The following PEX14 variants were observed in gnomAD, a reference collection of about 807,000 sequenced individuals.
The protein encoded by PEX14 is peroxisomal biogenesis factor 14, also known as peroxisomal membrane protein PEX14.
PEX14 carries 15 observed loss-of-function variants against 49.5 expected under a neutral mutation model. The observed-to-expected ratio is 0.30, with a 90% CI of 0.20 to 0.47. The LOEUF (loss-of-function observed/expected upper bound fraction) is 0.47, where lower values mean the gene tolerates loss of function less well. PEX14 is among the 20% of genes least tolerant of loss of function. PEX14 has a pLI of 1.00. For missense variants in PEX14, 398 were observed against 494.8 expected, an observed-to-expected ratio of 0.80 and a Z score of 1.86; for synonymous variants, 210 against 212.7, an observed-to-expected ratio of 0.99 and a Z score of 0.11.
At chr1:10,566,666 T>G (rs1401022123) in intron 3 of PEX14, among the ~76,000 whole-genome samples, 1 of 152,066 alleles carries the variant, frequency 6.6e-6, no homozygotes, top group Non-Finnish European at 1.5e-5. Context: ...TTTTTTTGTT[T>G]GTTTGTTTGT....
At chr1:10,507,279 G>A (rs767455599) in intron 2 of PEX14, among the ~76,000 whole-genome samples, 5 of 152,264 alleles carry the variant, frequency 3.3e-5, no homozygotes, top group African/African-American at 7.2e-5. Flanking sequence ...GTATGGGTGC[G>A]GTGTGGACCG....
chr1:10,610,041 T>C (rs1641234033), intron 4 of PEX14, among the ~76,000 whole-genome samples: 1 of 148,564 alleles, frequency 6.7e-6, no homozygotes, highest in African/African-American at 2.4e-5. Flanking sequence ...TAAATACATA[T>C]TTATATAAAT....
At chr1:10,501,981 A>T (rs1370374890) in intron 2 of PEX14, among the ~76,000 whole-genome samples, 1 of 152,020 alleles carries the variant, frequency 6.6e-6, no homozygotes, top group Non-Finnish European at 1.5e-5. Flanking sequence ...TACTAGCAAC[A>T]TATTCATCAG....
chr1:10,585,258 T>G (rs940332492), intron 3 of PEX14, among the ~76,000 whole-genome samples: 1 of 152,120 alleles, frequency 6.6e-6, no homozygotes, highest in African/African-American at 2.4e-5. Flanking sequence ...AAAGAAAAGA[T>G]AGTAACTTTG....
intron 4 of PEX14, among the ~76,000 whole-genome samples, 186 bp from the exon 5 acceptor site, chr1:10,618,146 G>T (rs1193544590): frequency 6.6e-6 from 1 of 152,232 alleles, no homozygotes; most frequent in African/African-American, 2.4e-5. Context: ...AGTTGAGGCA[G>T]TGGGAACAGG....
rs1640869057 is a variant in PEX14 at position 10,597,731 on chromosome 1, A to G, written c.170-1507A>G. 6.6e-6 allele frequency among the ~76,000 whole-genome samples: 1 copy of G among 152,186 alleles called. No homozygotes were observed. Among genetic ancestry groups the G allele is most frequent in the Non-Finnish European group, 1.5e-5 (1 of 68,036 alleles). ...GCTGTGCCTGCCCTTGGCCAGCTCC[A>G]CTGTGTGAAGAGGGTAAAGAGGGGA... On this transcript the variant is annotated intron_variant, in intron 3 of 8. Coordinates refer to ENST00000356607, the MANE Select transcript of PEX14 (RefSeq NM_004565.3). This position sits in a 1 kb window ranked among gnomAD's most constrained non-coding sequence, Gnocchi z 5.7.
chr1:10,536,155 T>C, intron 2 of PEX14, 58 bp from the exon 3 acceptor site: 1 of 1,056,058 alleles, frequency 9.5e-7, no homozygotes, highest in Non-Finnish European at 1.5e-6. Flanking sequence ...GGATTTTTAA[T>C]CTTGAAATTC....
chr1:10,575,906 C>G (rs1426575573), intron 3 of PEX14, among the ~76,000 whole-genome samples: 2 of 152,112 alleles, frequency 1.3e-5, no homozygotes, highest in Non-Finnish European at 2.9e-5. Context: ...GAGTACCTGT[C>G]TCAATATGCT....
intron 4 of PEX14, among the ~76,000 whole-genome samples, chr1:10,615,039 C>T (rs973077663): frequency 1.3e-5 from 2 of 152,160 alleles, no homozygotes; most frequent in African/African-American, 2.4e-5. Flanking sequence ...TGATTTGTGT[C>T]GGGTGGGGGT....
intron 2 of PEX14, chr1:10,535,934 T>C: frequency 2.3e-6 from 1 of 425,846 alleles, no homozygotes; most frequent in Non-Finnish European, 4.4e-6. Context: ...AAGAATCAGC[T>C]CGAATGGAGA....
chr1:10,523,551 A>G (rs1638367876), intron 2 of PEX14, among the ~76,000 whole-genome samples: 1 of 151,748 alleles, frequency 6.6e-6, no homozygotes, highest in Non-Finnish European at 1.5e-5. Flanking sequence ...TTAACCCCTT[A>G]TTTTATAGCA....
chr1:10,568,137 T>C (rs1014968056), intron 3 of PEX14, among the ~76,000 whole-genome samples: 6 of 152,222 alleles, frequency 3.9e-5, no homozygotes, highest in African/African-American at 1.4e-4. Context: ...TTTCCGTTGC[T>C]TATATCTATT....
chr1:10,508,886 G>A (rs1641835540), intron 2 of PEX14, among the ~76,000 whole-genome samples: 1 of 152,046 alleles, frequency 6.6e-6, no homozygotes, highest in Non-Finnish European at 1.5e-5. Flanking sequence ...AAGGGTGGGA[G>A]TTTCCATCCA....
chr1:10,598,165 G>A (rs987291735), intron 3 of PEX14, among the ~76,000 whole-genome samples: 1 of 152,178 alleles, frequency 6.6e-6, no homozygotes, highest in African/African-American at 2.4e-5. Context: ...TGGGATTCCT[G>A]GAACAGCAAG....
At chr1:10,566,017 C>A (rs182251945) in intron 3 of PEX14, among the ~76,000 whole-genome samples, 1 of 152,226 alleles carries the variant, frequency 6.6e-6, no homozygotes, top group Non-Finnish European at 1.5e-5. Context: ...TGAAGATGGA[C>A]AAAAGCTCTG....
chr1:10,542,746 G>T (rs1034583381), intron 3 of PEX14, among the ~76,000 whole-genome samples: 5 of 152,266 alleles, frequency 3.3e-5, no homozygotes, highest in African/African-American at 4.8e-5. Context: ...GGGTGACAGA[G>T]CAAGACTCCA....
intron 2 of PEX14, among the ~76,000 whole-genome samples, chr1:10,504,596 C>T (rs1188717924): frequency 6.6e-6 from 1 of 152,164 alleles, no homozygotes; most frequent in Non-Finnish European, 1.5e-5. Context: ...GCCTTTCTCT[C>T]TGTGTTGGCC....
At chr1:10,538,064 G>C (rs1638890826) in intron 3 of PEX14, among the ~76,000 whole-genome samples, 1 of 152,212 alleles carries the variant, frequency 6.6e-6, no homozygotes, top group African/African-American at 2.4e-5. Context: ...GAACCGAACA[G>C]ACAAAATCCC....
intron 3 of PEX14, among the ~76,000 whole-genome samples, chr1:10,545,146 ATTAC>A (rs1377140066): frequency 6.6e-6 from 1 of 152,114 alleles, no homozygotes; most frequent in Non-Finnish European, 1.5e-5. Context: ...ACTCAGCATA[ATTAC>A]TTTGAAGTTT....
Sources: gnomAD v4.1 joint callset for allele counts (sites outside exome capture counted in the v4.1 genomes callset) on GRCh38, gnomAD v4.1.1 for gene constraint, Gnocchi (gnomAD v3.1) non-coding constraint, MANE v1.5 for transcripts, NCBI Gene and HGNC (gene_info 2026-07-23, HGNC 2026-07-21) for gene names.